Variants in DZANK1 observed in about 807,000 individuals in gnomAD.
DZANK1 encodes the protein double zinc ribbon and ankyrin repeat-containing protein 1.
A neutral mutation model predicts 94.5 loss-of-function variants in DZANK1; 91 were observed. That is an observed-to-expected ratio of 0.96 (90% CI 0.81 to 1.15). The LOEUF (loss-of-function observed/expected upper bound fraction) is 1.15, where lower values mean the gene tolerates loss of function less well. DZANK1 is among the 50% of genes most tolerant of loss of function. The pLI is 0.00. For synonymous variants in DZANK1, 312 were observed against 325.3 expected, an observed-to-expected ratio of 0.96 and a Z score of 0.44; for missense variants, 903 against 916.4, an observed-to-expected ratio of 0.99 and a Z score of 0.19.
intron 11 of DZANK1, among the ~76,000 whole-genome samples, chr20:18,415,046 T>C (rs532725697): frequency 6.1e-4 from 93 of 152,328 alleles, no homozygotes; most frequent in African/African-American, 2.1e-3. Flanking sequence ...TTGAGTGTTT[T>C]ATTATAAAGG....
exon 8 of DZANK1, chr20:18,443,378 C>A (rs1432946643): frequency 6.5e-7 from 1 of 1,550,358 alleles, no homozygotes; most frequent in South Asian, 1.2e-5. Context: ...GAGACGACAG[C>A]CAAATATGGG....
chr20:18,409,660 C>T (rs1177692278), intron 13 of DZANK1, among the ~76,000 whole-genome samples: 3 of 151,872 alleles, frequency 2.0e-5, no homozygotes, highest in East Asian at 1.9e-4. Flanking sequence ...TTTCTTTTCC[C>T]TTCTTCTCAA....
intron 2 of DZANK1, among the ~76,000 whole-genome samples, chr20:18,464,412 C>A (rs1447129135): frequency 6.6e-6 from 1 of 152,164 alleles, no homozygotes; most frequent in Non-Finnish European, 1.5e-5. Flanking sequence ...TACTATATGC[C>A]AAACCCTGTG....
intron 10 of DZANK1, among the ~76,000 whole-genome samples, chr20:18,417,070 C>T (rs905815561): frequency 6.7e-5 from 10 of 149,402 alleles, no homozygotes; most frequent in Admixed American, 1.3e-4. Context: ...AGTTATCTTA[C>T]CCCATCATAT....
exon 21 of DZANK1, chr20:18,383,434 G>A (rs977916336): frequency 6.6e-6 from 1 of 152,010 alleles, no homozygotes; most frequent in African/African-American, 2.4e-5. Context: ...ATAATGATGG[G>A]AATATTGATG....
Position 18,453,670 on chromosome 20 carries a change from C to A in DZANK1, c.475+61G>T, listed in dbSNP as rs1170301788. 79 of 1,173,444 alleles carry A rather than the reference C, an allele frequency of 6.7e-5. No homozygotes were observed. The South Asian group carries it at 9.7e-4, about 14-fold the overall frequency. 72.7% of individuals were successfully genotyped at this position (1,173,444 alleles called of 1,614,324 possible). A position where few individuals can be genotyped will look rare whatever the true frequency, so the allele number is the denominator to read the frequency against. ...GACAAGAAAACATGCAACGAACATG[C>A]CATGAACCTCTTCGGTGGGTTCAGA... On this transcript the variant is annotated intron_variant, in intron 5 of 20. Coordinates refer to ENST00000262547, the Ensembl canonical transcript of DZANK1.
At position 18,394,148 on chromosome 20, in the gene DZANK1, A is replaced by T. The variant is rs1384110185; in HGVS notation, c.1708+106T>A. Reference sequence around the variant, plus strand: ...ATAAAACGTCTGGAACATAACTGCAAGATCTGTGACCGGGCTGTCAAACTC... The same window carrying T: ...ATAAAACGTCTGGAACATAACTGCATGATCTGTGACCGGGCTGTCAAACTC... On this transcript the variant is annotated intron_variant, in intron 16 of 20. Coordinates refer to ENST00000262547, the Ensembl canonical transcript of DZANK1. The T allele has an allele frequency of 5.2e-6, 5 of 966,656 alleles. No individual in the cohort carries two copies. In the African/African-American group the frequency reaches 6.5e-5, roughly 13 times the overall value. 59.9% of individuals were successfully genotyped at this position (966,656 alleles called of 1,614,324 possible).
At chr20:18,424,467 AAC>A in intron 10 of DZANK1, among the ~76,000 whole-genome samples, 2 of 149,326 alleles carry the variant, frequency 1.3e-5, no homozygotes, top group African/African-American at 5.0e-5. Flanking sequence ...TAACAACAAC[AAC>A]AAAAAAAAAA....
intron 13 of DZANK1, among the ~76,000 whole-genome samples, chr20:18,403,720 C>T (rs1473010439): frequency 4.3e-5 from 2 of 46,456 alleles, no homozygotes; most frequent in Non-Finnish European, 1.3e-4. Context: ...GTCCAACCCA[C>T]AGCCCATGGG....
chr20:18,462,761 C>A lies in DZANK1; in HGVS notation c.110-2455G>T, dbSNP rs147111447. Among the ~76,000 whole-genome samples the A allele has an allele frequency of 2.6e-3, 387 of 151,402 alleles. 6 individuals carry two copies. Among genetic ancestry groups the A allele is most frequent in the Admixed American group, 0.022 (328 of 15,188 alleles). On this transcript the variant is annotated intron_variant, in intron 2 of 20. Transcript: ENST00000262547. Reference sequence around the variant, plus strand: ...CTGTAATCCCAGCACTTTGGGAGGCCCAGGCAGGCAGATTAAAAATACAAA... The same window carrying A: ...CTGTAATCCCAGCACTTTGGGAGGCACAGGCAGGCAGATTAAAAATACAAA...
intron 17 of DZANK1, among the ~76,000 whole-genome samples, chr20:18,392,449 T>C (rs1376391511): frequency 6.6e-6 from 1 of 152,124 alleles, no homozygotes; most frequent in Non-Finnish European, 1.5e-5. Flanking sequence ...CAAGGCGGCG[T>C]TGAGGGCCTG....
intron 8 of DZANK1, among the ~76,000 whole-genome samples, chr20:18,438,821 C>T (rs1444057587): frequency 6.6e-6 from 1 of 152,174 alleles, no homozygotes; most frequent in African/African-American, 2.4e-5. Context: ...ACAGATGGTA[C>T]CTTCTGTGTC....
intron 9 of DZANK1, chr20:18,432,360 G>T (rs2148609809): frequency 6.6e-6 from 1 of 152,280 alleles, no homozygotes; most frequent in East Asian, 1.9e-4. Flanking sequence ...GAGAAAAATA[G>T]ATTTCTCTCT....
At chr20:18,384,892 G>A (rs2048388763) in intron 20 of DZANK1, 124 bp downstream of exon 20, 1 of 922,300 alleles carries the variant, frequency 1.1e-6, no homozygotes, top group South Asian at 1.7e-5. Flanking sequence ...AGCCATGGTG[G>A]GATGGTGGTC....
intron 10 of DZANK1, among the ~76,000 whole-genome samples, chr20:18,426,707 G>T (rs1334300218): frequency 6.6e-6 from 1 of 152,134 alleles, no homozygotes; most frequent in African/African-American, 2.4e-5. Flanking sequence ...CAGAGTCAAC[G>T]AAGACAATGG....
At chr20:18,395,104 G>T (rs1277393738) in intron 15 of DZANK1, among the ~76,000 whole-genome samples, 1 of 152,164 alleles carries the variant, frequency 6.6e-6, no homozygotes, top group Non-Finnish European at 1.5e-5. Flanking sequence ...GCTCACTTCT[G>T]TAATCCCAGC....
intron 13 of DZANK1, among the ~76,000 whole-genome samples, chr20:18,411,062 C>A (rs2057231039): frequency 6.6e-6 from 1 of 152,138 alleles, no homozygotes; most frequent in Admixed American, 6.5e-5. Flanking sequence ...AGAAAGATCT[C>A]AAAATCATCA....
chr20:18,426,721 A>G (rs912673584), intron 10 of DZANK1, among the ~76,000 whole-genome samples: 1 of 152,218 alleles, frequency 6.6e-6, no homozygotes, highest in Non-Finnish European at 1.5e-5. Context: ...ACAATGGACT[A>G]TGGGGTGTGG....
intron 6 of DZANK1, among the ~76,000 whole-genome samples, chr20:18,449,576 A>T (rs1441193999): frequency 6.6e-6 from 1 of 151,932 alleles, no homozygotes; most frequent in Non-Finnish European, 1.5e-5. Flanking sequence ...CAACATGGCG[A>T]AGCCCCATCT....
Sources: gnomAD v4.1 joint callset for allele counts (sites outside exome capture counted in the v4.1 genomes callset) on GRCh38, gnomAD v4.1.1 for gene constraint, MANE v1.5 for transcripts, NCBI Gene and HGNC (gene_info 2026-07-23, HGNC 2026-07-21) for gene names.